Variants in BMP5 observed in about 807,000 individuals in gnomAD.
BMP5 encodes bone morphogenetic protein 5.
Under a neutral mutation model 46.6 loss-of-function variants are expected in BMP5, and 23 were observed. The ratio of observed to expected loss-of-function variants is 0.49; its 90% CI spans 0.35 to 0.70. BMP5 has a LOEUF of 0.70. BMP5 is among the 30% of genes least tolerant of loss of function. BMP5 has a pLI of 0.00. For synonymous variants in BMP5, 204 were observed against 191.9 expected (o/e 1.06, Z -0.52); for missense variants, 545 against 565.6 (o/e 0.96, Z 0.37).
chr6:55,874,970 C>A lies in BMP5; in HGVS notation c.-105G>T, dbSNP rs1777876564. 1.5e-6 allele frequency: 2 copies of A among 1,335,194 alleles called. No individual in the cohort carries two copies. Among genetic ancestry groups the A allele is most frequent in the African/African-American group, 1.5e-5 (1 of 66,846 alleles). The allele number at this position is 1,335,194 out of a possible 1,614,324, so 82.7% of individuals were successfully genotyped here. A position where few individuals can be genotyped will look rare whatever the true frequency, so the allele number is the denominator to read the frequency against. On this transcript the variant is annotated 5_prime_UTR_variant, in exon 1 of 7. Coordinates refer to ENST00000370830, the MANE Select transcript of BMP5 (RefSeq NM_021073.4). ...TACAGTTTCCCAGTAGCTGAAAAAA[C>A]AAATTTACCTATTTTTCATGACAGT...
At chr6:55,856,065 C>G (rs1057030341) in intron 1 of BMP5, among the ~76,000 whole-genome samples, 9 of 152,180 alleles carry the variant, frequency 5.9e-5, no homozygotes, top group African/African-American at 2.2e-4. Context: ...ACCTTTAATC[C>G]CTGGAAAATA....
At chr6:55,776,540 T>C (rs1290814080) in intron 3 of BMP5, among the ~76,000 whole-genome samples, 1 of 151,866 alleles carries the variant, frequency 6.6e-6, no homozygotes, top group Admixed American at 6.6e-5. Flanking sequence ...TTTTTCTGTC[T>C]TGGAGTACAA....
chr6:55,805,962 G>C (rs1054119517), intron 2 of BMP5, among the ~76,000 whole-genome samples: 3 of 151,818 alleles, frequency 2.0e-5, no homozygotes, highest in Non-Finnish European at 4.4e-5. Flanking sequence ...TAGATTCTGG[G>C]TATCAGACCT....
At chr6:55,850,933 A>G (rs2127549508) in intron 1 of BMP5, among the ~76,000 whole-genome samples, 1 of 152,326 alleles carries the variant, frequency 6.6e-6, no homozygotes, top group South Asian at 2.1e-4. Flanking sequence ...AAATGTTTGT[A>G]TACCATCTAG....
chr6:55,774,289 A>G (rs756066025), intron 3 of BMP5, 46 bp from the exon 4 acceptor site: 1 of 1,557,838 alleles, frequency 6.4e-7, no homozygotes, highest in Non-Finnish European at 8.8e-7. Context: ...AAGAAAGAAC[A>G]ATTACCTGAT....
chr6:55,842,479 C>G (rs1345133374), intron 1 of BMP5, among the ~76,000 whole-genome samples: 1 of 152,150 alleles, frequency 6.6e-6, no homozygotes, highest in Non-Finnish European at 1.5e-5. Context: ...CCCAGGTTTA[C>G]AAGGAAAGCT....
chr6:55,768,702 A>T (rs1453207433), intron 4 of BMP5, among the ~76,000 whole-genome samples: 1 of 151,986 alleles, frequency 6.6e-6, no homozygotes, highest in Admixed American at 6.6e-5. Flanking sequence ...AGTATCCAGC[A>T]TACAATAGCA....
At chr6:55,834,196 T>G (rs1245592382) in intron 1 of BMP5, among the ~76,000 whole-genome samples, 1 of 152,168 alleles carries the variant, frequency 6.6e-6, no homozygotes, top group Non-Finnish European at 1.5e-5. Flanking sequence ...GAGCATTTTT[T>G]CATCTGTGAT....
In BMP5 at chr6:55,874,749, A is replaced by G. The variant is rs1220078237; in HGVS notation, c.117T>C (p.Ile39=). The change falls in exon 1 of 7, where the codon ATT becomes ATC. Residue 39 remains isoleucine, a synonymous_variant. Coordinates refer to ENST00000370830, the MANE Select transcript of BMP5 (RefSeq NM_021073.4). ...TTTCGTGGTTCCGTAGTCTTCTATA[A>G]ATAAAACTGGAGTGAACATGATTGT... is the stretch of plus-strand genomic sequence containing the variant. The part of the protein sequence containing the change: ...LGDNHVHSSF[I]YRRLRNHERR... 12 of 1,613,396 alleles carry G rather than the reference A, an allele frequency of 7.4e-6. No individual in the cohort carries two copies. The highest frequency in any genetic ancestry group is 6.8e-6 in the Non-Finnish European group (8 of 1,179,672).
At chr6:55,832,961 A>T (rs886149285) in intron 1 of BMP5, among the ~76,000 whole-genome samples, 4 of 152,004 alleles carry the variant, frequency 2.6e-5, no homozygotes, top group African/African-American at 9.7e-5. Context: ...AATTTAAAAA[A>T]AAAAATTATT....
intron 1 of BMP5, among the ~76,000 whole-genome samples, chr6:55,845,164 C>T (rs1777067191): frequency 6.6e-6 from 1 of 151,920 alleles, no homozygotes; most frequent in Admixed American, 6.6e-5. Context: ...TAATAAGAAA[C>T]AGAGCTGTCA....
At position 55,848,762 on chromosome 6, in the gene BMP5, C is replaced by G. The variant is rs1005668653; in HGVS notation, c.490+25614G>C. On this transcript the variant is annotated intron_variant, in intron 1 of 6. Transcript: ENST00000370830. ...AAATGCTATGATTCTAAATATGAGC[C>G]AGGTATCAGGTGGGACAAAGGATGC... 2.0e-5 allele frequency among the ~76,000 whole-genome samples: 3 copies of G among 151,866 alleles called. No homozygotes were observed. The South Asian group carries it at 6.2e-4, about 31-fold the overall frequency.
chr6:55,836,550 G>A (rs564587714), intron 1 of BMP5, among the ~76,000 whole-genome samples: 3 of 151,930 alleles, frequency 2.0e-5, no homozygotes, highest in East Asian at 3.9e-4. Flanking sequence ...TTTGTAGATT[G>A]CCAGTTGACA....
At chr6:55,852,332 T>A (rs865859294) in intron 1 of BMP5, among the ~76,000 whole-genome samples, 1 of 152,110 alleles carries the variant, frequency 6.6e-6, no homozygotes, top group South Asian at 2.1e-4. Context: ...GACTTTCAGA[T>A]TGATAGTAAA....
intron 3 of BMP5, among the ~76,000 whole-genome samples, chr6:55,782,650 A>G (rs1272512576): frequency 6.6e-6 from 1 of 152,172 alleles, no homozygotes; most frequent in Non-Finnish European, 1.5e-5. Context: ...GAGAAAAATA[A>G]CGTGAAGAAT....
chr6:55,837,905 G>A (rs1582107419), intron 1 of BMP5, among the ~76,000 whole-genome samples: 1 of 152,290 alleles, frequency 6.6e-6, no homozygotes, highest in East Asian at 1.9e-4. Flanking sequence ...GTGAGAACAT[G>A]CGTTGCTTGT....
intron 2 of BMP5, among the ~76,000 whole-genome samples, chr6:55,797,884 G>A (rs558598516): frequency 3.2e-4 from 49 of 152,218 alleles, no homozygotes; most frequent in Non-Finnish European, 6.6e-4. Flanking sequence ...CCAAAGTGCT[G>A]GGATTACAGG....
chr6:55,793,557 A>C (rs1775624337), intron 3 of BMP5, among the ~76,000 whole-genome samples: 1 of 152,004 alleles, frequency 6.6e-6, no homozygotes, highest in East Asian at 1.9e-4. Flanking sequence ...GGTGTCTTTG[A>C]TGTGTCACTA....
chr6:55,780,144 G>C (rs2127523669), intron 3 of BMP5, among the ~76,000 whole-genome samples: 1 of 151,804 alleles, frequency 6.6e-6, no homozygotes, highest in South Asian at 2.1e-4. Context: ...TTGGTAATGT[G>C]TGAAAATCAA....
Sources: gnomAD v4.1 joint callset for allele counts (sites outside exome capture counted in the v4.1 genomes callset) on GRCh38, gnomAD v4.1.1 for gene constraint, MANE v1.5 for transcripts, NCBI Gene and HGNC (gene_info 2026-07-23, HGNC 2026-07-21) for gene names.